The following GRAMD1C variants were observed in gnomAD, a reference collection of about 807,000 sequenced individuals.
GRAMD1C encodes GRAM domain containing 1C.
Under a neutral mutation model 97.8 loss-of-function variants are expected in GRAMD1C, and 89 were observed. That is an observed-to-expected ratio of 0.91 (90% confidence interval 0.77 to 1.09). The LOEUF is 1.09. Ranked by LOEUF, GRAMD1C falls within the 50% of genes least tolerant of loss-of-function variation. GRAMD1C has a pLI of 0.00. For synonymous variants in GRAMD1C, 256 were observed against 267.0 expected, an observed-to-expected ratio of 0.96 and a Z score of 0.40; for missense variants, 740 against 766.4, an observed-to-expected ratio of 0.97 and a Z score of 0.41.
chr3:113,879,204 CA>C (rs34645312), intron 5 of GRAMD1C, among the ~76,000 whole-genome samples: 109,285 of 144,478 alleles, frequency 0.76, 41,136 homozygotes, highest in Middle Eastern at 0.87. Context: ...GACTCCGTCT[CA>C]AAAAAAAAAA....
intron 10 of GRAMD1C, among the ~76,000 whole-genome samples, chr3:113,929,237 A>AT: frequency 6.6e-6 from 1 of 152,360 alleles, no homozygotes; most frequent in East Asian, 1.9e-4. Flanking sequence ...CCTTTTATAT[A>AT]TCAAAATGGT....
At chr3:113,877,823 G>A (rs1195934946) in intron 5 of GRAMD1C, among the ~76,000 whole-genome samples, 2 of 151,754 alleles carry the variant, frequency 1.3e-5, no homozygotes, top group Non-Finnish European at 2.9e-5. Context: ...TTATTGCCCA[G>A]GCTCAAGGCA....
intron 6 of GRAMD1C, among the ~76,000 whole-genome samples, chr3:113,898,290 C>T (rs570094700): frequency 1.5e-4 from 23 of 152,078 alleles, no homozygotes; most frequent in African/African-American, 5.1e-4. Context: ...CCTTTGTAAT[C>T]GTTTGATATC....
rs1379075121 is a variant in GRAMD1C at position 113,940,004 on chromosome 3, T to G, written c.1802+8T>G. 1.4e-6 allele frequency: 2 copies of G among 1,382,670 alleles called. No individual in the cohort carries two copies. The highest frequency in any genetic ancestry group is 2.1e-6 in the Non-Finnish European group (2 of 969,040). 85.7% of individuals were successfully genotyped at this position (1,382,670 alleles called of 1,614,324 possible). Reference sequence around the variant, plus strand: ...AGAAGAGAAATCTTTAAAGTAAGTCTTTTTCCCCCTGACCTGTATTCACCA... The same window carrying G: ...AGAAGAGAAATCTTTAAAGTAAGTCGTTTTCCCCCTGACCTGTATTCACCA... On this transcript the variant is annotated splice_region_variant and intron_variant, in intron 16 of 17. Transcript: ENST00000358160.
chr3:113,888,442 C>A (rs536310052), intron 6 of GRAMD1C, among the ~76,000 whole-genome samples: 1 of 152,114 alleles, frequency 6.6e-6, no homozygotes, highest in Non-Finnish European at 1.5e-5. Flanking sequence ...GTTAACAATA[C>A]TGTGTTGTAT....
chr3:113,846,783 G>A (rs1933628569), intron 2 of GRAMD1C, among the ~76,000 whole-genome samples: 2 of 152,028 alleles, frequency 1.3e-5, no homozygotes, highest in African/African-American at 4.8e-5. Flanking sequence ...AGTGTCAGAG[G>A]TTTACTTTGG....
At chr3:113,887,708 CAA>C (rs1156243184) in intron 6 of GRAMD1C, among the ~76,000 whole-genome samples, 8 of 47,532 alleles carry the variant, frequency 1.7e-4, no homozygotes, top group Admixed American at 2.4e-4. Flanking sequence ...ACTCCGTCTC[CAA>C]AAAAAAAAAA....
rs1938057131 is a variant in GRAMD1C at position 113,946,039 on chromosome 3, G to T, written c.*561G>T. On this transcript the variant is annotated 3_prime_UTR_variant, in exon 18 of 18. Transcript: ENST00000358160. ...ATAGTCAAACTTTTTGAATCTGCAT[G>T]TTGATGATGATTATCAGAAAGGGTC... is the stretch of plus-strand genomic sequence containing the variant. The T allele has an allele frequency of 6.6e-6, 1 of 152,304 alleles. No homozygotes were observed. Among genetic ancestry groups the T allele is most frequent in the Non-Finnish European group, 1.5e-5 (1 of 68,036 alleles). 9.4% of individuals were successfully genotyped at this position (152,304 alleles called of 1,614,324 possible).
intron 10 of GRAMD1C, chr3:113,919,565 A>T: frequency 1.8e-6 from 1 of 565,794 alleles, no homozygotes; most frequent in Non-Finnish European, 3.5e-6. Context: ...GCAAGTTAAA[A>T]AGCCATATGC....
At chr3:113,829,854 T>C (rs114411053) in intron 1 of GRAMD1C, among the ~76,000 whole-genome samples, 493 of 152,134 alleles carry the variant, frequency 3.2e-3, no homozygotes, top group Non-Finnish European at 5.7e-3. Context: ...CCTACTGAGG[T>C]GATGTTGTTG....
At chr3:113,885,923 C>T (rs1160921242) in intron 6 of GRAMD1C, 1 of 1,612,818 alleles carries the variant, frequency 6.2e-7, no homozygotes, top group Non-Finnish European at 8.5e-7. Context: ...TCAGTGACCC[C>T]AGCGACACAG....
chr3:113,930,893 T>C, intron 11 of GRAMD1C, 61 bp downstream of exon 11: 1 of 830,816 alleles, frequency 1.2e-6, no homozygotes, highest in East Asian at 2.5e-5. Context: ...AAGATGCCTA[T>C]TATAGTTCAC....
intron 15 of GRAMD1C, chr3:113,939,616 G>A: frequency 3.5e-6 from 1 of 286,668 alleles, no homozygotes; most frequent in South Asian, 4.5e-5. Context: ...AGAGGGGAGA[G>A]ATGTCACAGA....
intron 6 of GRAMD1C, among the ~76,000 whole-genome samples, chr3:113,888,939 T>C (rs1230210753): frequency 1.3e-5 from 2 of 152,214 alleles, no homozygotes; most frequent in Non-Finnish European, 2.9e-5. Flanking sequence ...TGGTGGCTCA[T>C]GCCTGTAATC....
intron 10 of GRAMD1C, among the ~76,000 whole-genome samples, chr3:113,916,650 C>A (rs896107516): frequency 1.3e-5 from 2 of 152,108 alleles, no homozygotes; most frequent in African/African-American, 2.4e-5. Context: ...GGTTTAAGTT[C>A]TATATCCTGA....
At chr3:113,836,238 T>TG (rs764984061), upstream of GRAMD1C, among the ~76,000 whole-genome samples, 35 of 152,146 alleles carry the variant, frequency 2.3e-4, no homozygotes, top group Non-Finnish European at 4.6e-4. Context: ...CACTCCAGTC[T>TG]GGGGGACAGA....
At chr3:113,911,936 C>T (rs1427542561) in intron 9 of GRAMD1C, among the ~76,000 whole-genome samples, 1 of 152,000 alleles carries the variant, frequency 6.6e-6, no homozygotes, top group Non-Finnish European at 1.5e-5. Context: ...ACCATGTTAG[C>T]CAGGATGGTC....
intron 6 of GRAMD1C, chr3:113,890,991 A>T: frequency 2.0e-6 from 1 of 489,562 alleles, no homozygotes; most frequent in Non-Finnish European, 3.6e-6. Flanking sequence ...AAAGATCCTG[A>T]TATTATCTGT....
intron 10 of GRAMD1C, chr3:113,920,302 A>C: frequency 2.2e-6 from 1 of 461,588 alleles, no homozygotes. Context: ...GAGAAAGAGC[A>C]AAACTCCATA....
Sources: gnomAD v4.1 joint callset for allele counts (sites outside exome capture counted in the v4.1 genomes callset) on GRCh38, gnomAD v4.1.1 for gene constraint, MANE v1.5 for transcripts, NCBI Gene and HGNC (gene_info 2026-07-23, HGNC 2026-07-21) for gene names.